Variants in IGSF21 observed in about 807,000 individuals in gnomAD.
IGSF21 encodes the protein immunoglobin superfamily member 21, also known as immunoglobulin superfamily member 21.
In IGSF21, 28 loss-of-function variants were observed where a neutral mutation model predicts 46.8. The ratio of observed to expected loss-of-function variants is 0.60; its 90% CI spans 0.44 to 0.82. The LOEUF is 0.82. Ranked by LOEUF, IGSF21 falls within the 40% of genes least tolerant of loss-of-function variation. The pLI is 0.00. For synonymous variants in IGSF21, 284 were observed against 273.6 expected, an observed-to-expected ratio of 1.04 and a Z score of -0.38; for missense variants, 624 against 665.5, an observed-to-expected ratio of 0.94 and a Z score of 0.69.
At chr1:18,114,629 T>C (rs1441511605) in intron 1 of IGSF21, 1 of 152,234 alleles carries the variant, frequency 6.6e-6, no homozygotes, top group African/African-American at 2.4e-5. Flanking sequence ...ACTCTCTACC[T>C]GCTGGCAGTA....
intron 1 of IGSF21, among the ~76,000 whole-genome samples, chr1:18,147,724 A>G (rs890037103): frequency 6.6e-6 from 1 of 152,202 alleles, no homozygotes; most frequent in East Asian, 1.9e-4. Flanking sequence ...TTGCATATAC[A>G]TAACTTACTG....
chr1:18,115,843 A>G (rs1327221132), intron 1 of IGSF21: 1 of 76,010 alleles, frequency 1.3e-5, no homozygotes, highest in Non-Finnish European at 2.5e-5. Context: ...GGAAGGAAGG[A>G]AGAAAGAAAG....
intron 1 of IGSF21, among the ~76,000 whole-genome samples, chr1:18,153,134 C>T (rs1358067097): frequency 1.3e-5 from 2 of 152,090 alleles, no homozygotes; most frequent in Non-Finnish European, 1.5e-5. Flanking sequence ...CCACAGGGTC[C>T]TGAAAGGAGA....
intron 1 of IGSF21, among the ~76,000 whole-genome samples, chr1:18,144,752 G>A (rs1168324284): frequency 6.6e-6 from 1 of 152,032 alleles, no homozygotes; most frequent in African/African-American, 2.4e-5. Context: ...AGGGCCACTC[G>A]GACAGAGAGG....
Position 18,259,894 on chromosome 1 carries a change from C to T in IGSF21, c.183+31884C>T, listed in dbSNP as rs79366314. Among the ~76,000 whole-genome samples, 1,276 of 152,232 alleles carry T rather than the reference C, an allele frequency of 8.4e-3. 20 individuals carry two copies. The highest frequency in any genetic ancestry group is 0.029 in the African/African-American group (1,212 of 41,542). Reference sequence around the variant, plus strand: ...GAGTTCTTGGGCAGTAGGGGCACAACGGTGTTCTGGAGTTGTGTGTGTGGT... The same window carrying T: ...GAGTTCTTGGGCAGTAGGGGCACAATGGTGTTCTGGAGTTGTGTGTGTGGT... On this transcript the variant is annotated intron_variant, in intron 2 of 9. Coordinates refer to ENST00000251296, the MANE Select transcript of IGSF21 (RefSeq NM_032880.5).
chr1:18,126,731 C>T (rs1194922579), intron 1 of IGSF21, among the ~76,000 whole-genome samples: 6 of 152,098 alleles, frequency 3.9e-5, no homozygotes, highest in Non-Finnish European at 8.8e-5. Context: ...TCCCATGCTT[C>T]GTTATGTTTT....
At chr1:18,110,224 C>T (rs926026133) in intron 1 of IGSF21, 1 of 152,260 alleles carries the variant, frequency 6.6e-6, no homozygotes, top group African/African-American at 2.4e-5. Flanking sequence ...GAATGGGAAA[C>T]TTTCCGCGTC....
In IGSF21 at chr1:18,378,385, C is replaced by A. The variant is rs749266890; in HGVS notation, c.*59C>A. On this transcript the variant is annotated 3_prime_UTR_variant, in exon 10 of 10. Coordinates refer to ENST00000251296, the MANE Select transcript of IGSF21 (RefSeq NM_032880.5). ...ACATCTCCACGACCGGTTTTCATTT[C>A]TTTTCTAAACTATTTCCAGTCTTGT... 2.7e-4 allele frequency: 360 copies of A among 1,332,468 alleles called. 1 individual carries two copies. The highest frequency in any genetic ancestry group is 3.8e-4 in the Non-Finnish European group (353 of 937,958). The allele number at this position is 1,332,468 out of a possible 1,614,324, so 82.5% of individuals were successfully genotyped here.
chr1:18,281,312 CACT>C (rs557363411), intron 2 of IGSF21, among the ~76,000 whole-genome samples: 6 of 152,190 alleles, frequency 3.9e-5, no homozygotes, highest in African/African-American at 1.4e-4. Flanking sequence ...GTAATCCCAA[CACT>C]TTGGGAGGCG....
At chr1:18,358,265 T>C (rs1331564459) in intron 4 of IGSF21, among the ~76,000 whole-genome samples, 1 of 152,148 alleles carries the variant, frequency 6.6e-6, no homozygotes, top group Non-Finnish European at 1.5e-5. Context: ...AAATATAATG[T>C]AAAGTACATA....
Position 18,109,907 on chromosome 1 carries a change from C to T in IGSF21, c.70+1709C>T, listed in dbSNP as rs36082960. 0.017 allele frequency: 2,526 copies of T among 152,396 alleles called. 26 individuals are homozygous for T. The highest frequency in any genetic ancestry group is 0.049 in the East Asian group (250 of 5,142). 9.4% of individuals were successfully genotyped at this position (152,396 alleles called of 1,614,324 possible). A position where few individuals can be genotyped will look rare whatever the true frequency, so the allele number is the denominator to read the frequency against. On this transcript the variant is annotated intron_variant, in intron 1 of 9. Coordinates refer to ENST00000251296, the MANE Select transcript of IGSF21 (RefSeq NM_032880.5). The surrounding 1 kb of genome is among the most constrained non-coding windows in gnomAD (Gnocchi z 4.8). The stretch of plus-strand genomic sequence containing the variant: ...GTAAGCACCCCTTTCCCTGGGAATG[C>T]GCAGAACAGAGAGACGCGGCAGGGT...
chr1:18,329,897 G>A (rs117449930), intron 3 of IGSF21, among the ~76,000 whole-genome samples: 21 of 152,212 alleles, frequency 1.4e-4, no homozygotes, highest in Non-Finnish European at 1.3e-4. Flanking sequence ...TGCAGGTCAC[G>A]GGGCATGCAG....
intron 3 of IGSF21, among the ~76,000 whole-genome samples, chr1:18,300,954 A>G (rs985270136): frequency 2.6e-5 from 4 of 152,130 alleles, no homozygotes; most frequent in African/African-American, 9.7e-5. Context: ...TGGGTCCTCC[A>G]TGCTCAGCCC....
At chr1:18,373,572 G>T (rs77924396) in intron 6 of IGSF21, among the ~76,000 whole-genome samples, 1 of 152,118 alleles carries the variant, frequency 6.6e-6, no homozygotes, top group Non-Finnish European at 1.5e-5. Flanking sequence ...TGAAAGCAGC[G>T]AGGGAGGACC....
chr1:18,216,885 T>C (rs576010583), intron 1 of IGSF21, among the ~76,000 whole-genome samples: 3 of 152,318 alleles, frequency 2.0e-5, no homozygotes, highest in East Asian at 3.9e-4. Flanking sequence ...ATAGTAATTA[T>C]GTAGCACTGG....
Position 18,108,072 on chromosome 1 carries a change from CCGCCGCCACCGCCTCCACCCCCGCCG to C in IGSF21, c.-55_-30del. Reference sequence around the variant, plus strand: ...GCGTCTGAGCCCATGGCGAGGGGACCCGCCGCCACCGCCTCCACCCCCGCCGCCCCGCCACCGCCGCCAGCTCCCGG... The same window carrying C: ...GCGTCTGAGCCCATGGCGAGGGGACCCCCCGCCACCGCCGCCAGCTCCCGG... On this transcript the variant is annotated 5_prime_UTR_variant, in exon 1 of 10. Coordinates refer to ENST00000251296, the MANE Select transcript of IGSF21 (RefSeq NM_032880.5). 1 of 850,082 alleles carries C rather than the reference CCGCCGCCACCGCCTCCACCCCCGCCG, an allele frequency of 1.2e-6. No individual in the cohort carries two copies. The highest frequency in any genetic ancestry group is 1.7e-6 in the Non-Finnish European group (1 of 603,844). The allele number at this position is 850,082 out of a possible 1,614,324, so 52.7% of individuals were successfully genotyped here. A position where few individuals can be genotyped will look rare whatever the true frequency, so the allele number is the denominator to read the frequency against.
At chr1:18,198,472 C>T (rs920329912) in intron 1 of IGSF21, among the ~76,000 whole-genome samples, 1 of 152,168 alleles carries the variant, frequency 6.6e-6, no homozygotes, top group Non-Finnish European at 1.5e-5. Flanking sequence ...GCCAAGGGAT[C>T]GTCGTCATTC....
At chr1:18,131,870 A>C (rs2086324754) in intron 1 of IGSF21, among the ~76,000 whole-genome samples, 1 of 152,190 alleles carries the variant, frequency 6.6e-6, no homozygotes, top group African/African-American at 2.4e-5. Flanking sequence ...CACTGGCCAC[A>C]CTTGCATACA....
chr1:18,155,122 G>A (rs1400923329), intron 1 of IGSF21, among the ~76,000 whole-genome samples: 1 of 152,026 alleles, frequency 6.6e-6, no homozygotes, highest in Non-Finnish European at 1.5e-5. Context: ...TCTCCAGGGA[G>A]CCTCTGCTTC....
Sources: gnomAD v4.1 joint callset for allele counts (sites outside exome capture counted in the v4.1 genomes callset) on GRCh38, gnomAD v4.1.1 for gene constraint, Gnocchi (gnomAD v3.1) non-coding constraint, MANE v1.5 for transcripts, NCBI Gene and HGNC (gene_info 2026-07-23, HGNC 2026-07-21) for gene names.